NTRK3: variants seen among roughly 807,000 people sequenced by gnomAD.
The protein encoded by NTRK3 is neurotrophic receptor tyrosine kinase 3, also known as NT-3 growth factor receptor.
In NTRK3, 24 loss-of-function variants were observed where a neutral mutation model predicts 91.7. The observed-to-expected ratio is 0.26, with a 90% confidence interval of 0.19 to 0.37. NTRK3 has a LOEUF of 0.37. Among genes scored for constraint, NTRK3 ranks in the 10% least tolerant of loss-of-function variants. NTRK3 has a pLI of 1.00. For synonymous variants in NTRK3, 483 were observed against 404.0 expected, an observed-to-expected ratio of 1.20 and a Z score of -2.34; for missense variants, 880 against 1,068.9, an observed-to-expected ratio of 0.82 and a Z score of 2.46.
chr15:87,907,892 C>T (rs376447233), intron 17 of NTRK3, among the ~76,000 whole-genome samples: 1 of 152,166 alleles, frequency 6.6e-6, no homozygotes, highest in Non-Finnish European at 1.5e-5. Flanking sequence ...GGGCAAAAGC[C>T]TCCCTGCAAG....
chr15:88,143,464 G>A (rs1367113672), intron 6 of NTRK3, among the ~76,000 whole-genome samples: 2 of 152,180 alleles, frequency 1.3e-5, no homozygotes, highest in African/African-American at 4.8e-5. Flanking sequence ...AAACAATAAT[G>A]TTCTATTGTT....
intron 7 of NTRK3, 57 bp from the exon 8 acceptor site, chr15:88,136,666 G>A (rs2151213722): frequency 1.3e-6 from 2 of 1,581,524 alleles, no homozygotes; most frequent in East Asian, 2.3e-5. Flanking sequence ...CCCAAAGGAA[G>A]CTCTGTCCAT....
chr15:87,897,139 G>C (rs1247204823), intron 17 of NTRK3, among the ~76,000 whole-genome samples: 1 of 152,156 alleles, frequency 6.6e-6, no homozygotes, highest in Non-Finnish European at 1.5e-5. Context: ...ACAAGGAGTT[G>C]AGAGCCAAGC....
At chr15:88,030,879 CT>C (rs1257599535) in intron 14 of NTRK3, among the ~76,000 whole-genome samples, 1 of 151,870 alleles carries the variant, frequency 6.6e-6, no homozygotes, top group African/African-American at 2.4e-5. Context: ...AAACAACTAC[CT>C]TTTTTGTGGT....
At chr15:88,011,100 G>C (rs994642558) in intron 14 of NTRK3, among the ~76,000 whole-genome samples, 12 of 151,930 alleles carry the variant, frequency 7.9e-5, no homozygotes, top group Non-Finnish European at 1.3e-4. Context: ...TCTTCAAATG[G>C]CTTGGAATGA....
intron 13 of NTRK3, among the ~76,000 whole-genome samples, chr15:88,121,754 G>C (rs1320692898): frequency 6.6e-6 from 1 of 152,200 alleles, no homozygotes; most frequent in African/African-American, 2.4e-5. Flanking sequence ...AGGAGGGCTG[G>C]CTGATAGGGC....
chr15:88,025,509 A>G (rs1225654799), intron 14 of NTRK3, among the ~76,000 whole-genome samples: 1 of 152,178 alleles, frequency 6.6e-6, no homozygotes, highest in African/African-American at 2.4e-5. Flanking sequence ...CCCTAAAACT[A>G]TATGTCTGGT....
chr15:88,202,435 C>T (rs2048383618), intron 3 of NTRK3, among the ~76,000 whole-genome samples: 1 of 152,192 alleles, frequency 6.6e-6, no homozygotes, highest in African/African-American at 2.4e-5. Flanking sequence ...GGCAGAATGC[C>T]CCATTCTCTA....
At chr15:87,976,176 C>A (rs1054364353) in intron 14 of NTRK3, among the ~76,000 whole-genome samples, 2 of 152,178 alleles carry the variant, frequency 1.3e-5, no homozygotes, top group Non-Finnish European at 2.9e-5. Context: ...ACAGCCTCAA[C>A]CCTTCAGGCA....
intron 14 of NTRK3, among the ~76,000 whole-genome samples, chr15:87,956,579 T>A (rs188629741): frequency 8.7e-4 from 128 of 147,848 alleles, no homozygotes; most frequent in African/African-American, 2.7e-3. Context: ...CGGCCTTTTT[T>A]CTTTTTTTGA....
intron 13 of NTRK3, among the ~76,000 whole-genome samples, chr15:88,120,651 G>T (rs1246559561): frequency 6.6e-6 from 1 of 152,196 alleles, no homozygotes; most frequent in Non-Finnish European, 1.5e-5. Context: ...CCAAGGCCAG[G>T]AGTGCCCCAG....
chr15:88,086,612 G>C (rs2048526084), intron 13 of NTRK3, among the ~76,000 whole-genome samples: 1 of 152,098 alleles, frequency 6.6e-6, no homozygotes, highest in Non-Finnish European at 1.5e-5. Flanking sequence ...CCTAAATTTG[G>C]TTGCACATTA....
chr15:87,917,527 T>A (rs1596242172), intron 17 of NTRK3, among the ~76,000 whole-genome samples: 1 of 152,340 alleles, frequency 6.6e-6, no homozygotes, highest in East Asian at 1.9e-4. Flanking sequence ...CTTGGTGGCC[T>A]AAAAGATGCA....
chr15:87,929,151 G>T, intron 17 of NTRK3, 40 bp downstream of exon 17: 1 of 1,614,050 alleles, frequency 6.2e-7, no homozygotes, highest in African/African-American at 1.3e-5. Context: ...CAAGGCGCTA[G>T]CTCTGTGGCT....
exon 8 of NTRK3, chr15:88,136,550 C>A (rs763494499): frequency 3.1e-6 from 5 of 1,613,984 alleles, no homozygotes; most frequent in Non-Finnish European, 2.5e-6. Flanking sequence ...CAAGTGATAA[C>A]AGCGTTGTCA....
intron 18 of NTRK3, among the ~76,000 whole-genome samples, chr15:87,877,457 A>G (rs1349845077): frequency 6.6e-6 from 1 of 152,000 alleles, no homozygotes; most frequent in African/African-American, 2.4e-5. Context: ...ACTGAGCTGC[A>G]TTCATTTTTC....
chr15:87,916,997 C>T (rs2067493468), intron 17 of NTRK3, among the ~76,000 whole-genome samples: 1 of 152,204 alleles, frequency 6.6e-6, no homozygotes, highest in Non-Finnish European at 1.5e-5. Flanking sequence ...CTCCTAACCT[C>T]AAGTGATCCC....
intron 17 of NTRK3, among the ~76,000 whole-genome samples, chr15:87,898,887 C>A (rs1292306310): frequency 1.3e-5 from 2 of 151,522 alleles, no homozygotes; most frequent in East Asian, 3.9e-4. Context: ...CCTGTAGTCC[C>A]AGCTACTTGG....
exon 19 of NTRK3, chr15:87,871,334 T>C (rs937925064): frequency 2.2e-5 from 5 of 231,348 alleles, no homozygotes; most frequent in Admixed American, 1.1e-4. Context: ...GGGCAGCCCA[T>C]GCTCAGAGCA....
Sources: gnomAD v4.1 joint callset for allele counts (sites outside exome capture counted in the v4.1 genomes callset) on GRCh38, gnomAD v4.1.1 for gene constraint, MANE v1.5 for transcripts, NCBI Gene and HGNC (gene_info 2026-07-23, HGNC 2026-07-21) for gene names.